Variants in ACVR2A observed in about 807,000 individuals in gnomAD.
ACVR2A encodes the protein activin A receptor type 2A.
Under a neutral mutation model 61.4 loss-of-function variants are expected in ACVR2A, and 7 were observed. The ratio of observed to expected loss-of-function variants is 0.11; its 90% CI spans 0.06 to 0.21. The LOEUF (loss-of-function observed/expected upper bound fraction) is 0.21, where lower values mean the gene tolerates loss of function less well. ACVR2A is among the 10% of genes least tolerant of loss of function. ACVR2A has a pLI of 1.00. For synonymous variants in ACVR2A, 193 were observed against 208.3 expected (o/e 0.93, Z 0.63); for missense variants, 322 against 621.7 (o/e 0.52, Z 5.13).
intron 1 of ACVR2A, among the ~76,000 whole-genome samples, chr2:147,855,897 T>C (rs1156491512): frequency 6.6e-6 from 1 of 152,204 alleles, no homozygotes; most frequent in East Asian, 1.9e-4. Flanking sequence ...TTACTCCTTT[T>C]CAGGTGTCTA....
chr2:147,845,140 G>A lies in ACVR2A; in HGVS notation c.-13G>A, dbSNP rs1685272918. 1 of 1,611,688 alleles carries A rather than the reference G, an allele frequency of 6.2e-7. No homozygotes were observed. The highest frequency in any genetic ancestry group is 8.5e-7 in the Non-Finnish European group (1 of 1,179,252). On this transcript the variant is annotated 5_prime_UTR_variant, in exon 1 of 11. Transcript: ENST00000241416. ...GCGAGAACTTCCTCCGGATTCCCCG[G>A]CGCCTCGGGAAAATGGGAGCTGCTG...
chr2:147,847,180 C>G (rs550798713), intron 1 of ACVR2A, among the ~76,000 whole-genome samples: 8 of 152,124 alleles, frequency 5.3e-5, no homozygotes, highest in African/African-American at 1.7e-4. Flanking sequence ...TTATATTAAA[C>G]TAATATTATG....
At chr2:147,872,770 A>G (rs75993889) in intron 1 of ACVR2A, among the ~76,000 whole-genome samples, 1,548 of 151,818 alleles carry the variant, frequency 0.01, 34 homozygotes, top group African/African-American at 0.035. Context: ...TTGTCTTTCT[A>G]TAGTTTCCAG....
intron 1 of ACVR2A, among the ~76,000 whole-genome samples, chr2:147,891,241 A>AT (rs1478441372): frequency 1.3e-5 from 2 of 152,122 alleles, no homozygotes; most frequent in Non-Finnish European, 1.5e-5. Context: ...GCAGTGTTCA[A>AT]TTTTTTTGTC....
intron 9 of ACVR2A, chr2:147,925,797 C>A (rs562464922): frequency 5.2e-5 from 22 of 420,286 alleles, no homozygotes; most frequent in Middle Eastern, 6.4e-4. Context: ...TAAGAAAGCC[C>A]CTTATGCAAT....
chr2:147,865,687 G>A (rs1395796491), intron 1 of ACVR2A, among the ~76,000 whole-genome samples: 14 of 152,108 alleles, frequency 9.2e-5, no homozygotes, highest in Non-Finnish European at 2.9e-5. Context: ...TCTCCCTCCT[G>A]AGCTCCAAAC....
chr2:147,893,565 T>A (rs1488323616), intron 1 of ACVR2A, among the ~76,000 whole-genome samples: 4 of 152,214 alleles, frequency 2.6e-5, no homozygotes, highest in African/African-American at 9.6e-5. Context: ...TTTTGTTTTG[T>A]TTTAGCCATT....
intron 2 of ACVR2A, among the ~76,000 whole-genome samples, chr2:147,897,562 A>T (rs1686769035): frequency 6.6e-6 from 1 of 152,128 alleles, no homozygotes; most frequent in African/African-American, 2.4e-5. Context: ...ATAAACAGAC[A>T]TTTTGGAGCC....
intron 4 of ACVR2A, among the ~76,000 whole-genome samples, chr2:147,903,855 G>C (rs1686927713): frequency 6.6e-6 from 1 of 151,938 alleles, no homozygotes; most frequent in African/African-American, 2.4e-5. Flanking sequence ...AATTACTGCT[G>C]TGTCTTACAC....
chr2:147,866,826 G>C (rs1573919483), intron 1 of ACVR2A, among the ~76,000 whole-genome samples: 1 of 152,192 alleles, frequency 6.6e-6, no homozygotes, highest in Non-Finnish European at 1.5e-5. Context: ...CAAATAAGTA[G>C]TAGAGGTAGA....
At chr2:147,918,050 AGTTGTTATTTTAT>A (rs1050727496) in intron 6 of ACVR2A, among the ~76,000 whole-genome samples, 1 of 151,892 alleles carries the variant, frequency 6.6e-6, no homozygotes, top group Non-Finnish European at 1.5e-5. Flanking sequence ...TCTACATATT[AGTTGTTATTTTAT>A]GTTGTTATTT....
chr2:147,905,344 G>C (rs1686964147), intron 4 of ACVR2A, among the ~76,000 whole-genome samples: 1 of 151,676 alleles, frequency 6.6e-6, no homozygotes, highest in African/African-American at 2.4e-5. Context: ...ATGTAATAGA[G>C]TTTTATTGTA....
intron 1 of ACVR2A, among the ~76,000 whole-genome samples, chr2:147,853,784 A>G (rs979279533): frequency 3.4e-4 from 52 of 152,074 alleles, no homozygotes; most frequent in Non-Finnish European, 5.6e-4. Flanking sequence ...TTAACTTTAA[A>G]ATTTTTATTT....
Position 147,920,351 on chromosome 2 carries a change from A to G in ACVR2A, c.1077+7A>G. On this transcript the variant is annotated splice_region_variant and intron_variant, in intron 8 of 10. Transcript: ENST00000241416. ...AGGCGATACCCATGGACAGGTAAGG[A>G]TGATGATTATAAAATGTAAGAAAAA... The G allele has an allele frequency of 6.3e-7, 1 of 1,585,618 alleles. No individual in the cohort carries two copies. Among genetic ancestry groups the G allele is most frequent in the Non-Finnish European group, 8.6e-7 (1 of 1,160,360 alleles).
intron 8 of ACVR2A, among the ~76,000 whole-genome samples, chr2:147,922,153 A>G (rs116234553): frequency 3.4e-3 from 517 of 152,208 alleles, no homozygotes; most frequent in East Asian, 8.3e-3. Context: ...AAGTAGAGCC[A>G]CTTTTCCCTT....
chr2:147,912,699 T>C (rs372171015), intron 4 of ACVR2A, among the ~76,000 whole-genome samples: 1 of 151,988 alleles, frequency 6.6e-6, no homozygotes, highest in African/African-American at 2.4e-5. Flanking sequence ...AGTAATTTTT[T>C]ATTTAAAAAG....
At chr2:147,857,865 C>T (rs547554341) in intron 1 of ACVR2A, among the ~76,000 whole-genome samples, 1 of 152,234 alleles carries the variant, frequency 6.6e-6, no homozygotes, top group South Asian at 2.1e-4. Flanking sequence ...AGTACACCTG[C>T]AGGTTTGTTA....
chr2:147,918,676 C>G, intron 7 of ACVR2A, 84 bp downstream of exon 7: 1 of 1,246,606 alleles, frequency 8.0e-7, no homozygotes, highest in East Asian at 2.6e-5. Flanking sequence ...TTTAATTTTT[C>G]CTTTGTTATG....
chr2:147,876,797 G>A (rs1047597230), intron 1 of ACVR2A, among the ~76,000 whole-genome samples: 1 of 152,168 alleles, frequency 6.6e-6, no homozygotes, highest in Non-Finnish European at 1.5e-5. Context: ...TTTAGTGGAA[G>A]GCCAGGGATT....
Sources: gnomAD v4.1 joint callset for allele counts (sites outside exome capture counted in the v4.1 genomes callset) on GRCh38, gnomAD v4.1.1 for gene constraint, MANE v1.5 for transcripts, NCBI Gene and HGNC (gene_info 2026-07-23, HGNC 2026-07-21) for gene names.